FGGY: variants seen among roughly 807,000 people sequenced by gnomAD.
FGGY encodes the protein FGGY carbohydrate kinase domain containing, also known as FGGY carbohydrate kinase domain-containing protein.
FGGY carries 72 observed loss-of-function variants against 71.3 expected under a neutral mutation model. That is an observed-to-expected ratio of 1.01 (90% CI 0.84 to 1.23). The LOEUF (loss-of-function observed/expected upper bound fraction) is 1.23. Among genes scored for constraint, FGGY ranks in the 50% most tolerant of loss-of-function variants. The probability of loss-of-function intolerance (pLI) is 0.00; values close to 1 mark genes in which losing one functional copy is unlikely to be tolerated. For synonymous variants in FGGY, 251 were observed against 250.3 expected, an observed-to-expected ratio of 1.00 and a Z score of -0.02; for missense variants, 668 against 682.3, an observed-to-expected ratio of 0.98 and a Z score of 0.23.
chr1:59,696,408 G>A lies in FGGY; in HGVS notation c.1512+22275G>A, dbSNP rs142001090. On this transcript the variant is annotated intron_variant, in intron 14 of 15. Coordinates refer to ENST00000303721, the MANE Select transcript of FGGY (RefSeq NM_018291.5). The stretch of plus-strand genomic sequence containing the variant: ...TATTTTATGACTAATCAATACTATA[G>A]GTAGTACTTGAGAAAAGAAAATAAT... 2.9e-3 allele frequency among the ~76,000 whole-genome samples: 441 copies of A among 152,248 alleles called. 1 individual carries two copies. The highest frequency in any genetic ancestry group is 9.8e-3 in the African/African-American group (406 of 41,530).
intron 14 of FGGY, among the ~76,000 whole-genome samples, chr1:59,701,808 A>T (rs2097711911): frequency 6.6e-6 from 1 of 152,112 alleles, no homozygotes; most frequent in Non-Finnish European, 1.5e-5. Context: ...GGATTCATGA[A>T]CTCAGAGGTG....
intron 7 of FGGY, among the ~76,000 whole-genome samples, chr1:59,538,241 A>T (rs1488830262): frequency 2.0e-5 from 3 of 152,208 alleles, no homozygotes; most frequent in Non-Finnish European, 4.4e-5. Flanking sequence ...ACACATGAAA[A>T]AATGCTCACC....
At chr1:59,430,833 C>T (rs2067224070) in intron 5 of FGGY, among the ~76,000 whole-genome samples, 1 of 152,278 alleles carries the variant, frequency 6.6e-6, no homozygotes, top group East Asian at 1.9e-4. Flanking sequence ...CTGTACCTCT[C>T]CTGAGCTCCA....
At chr1:59,654,123 A>G (rs2097196419) in intron 11 of FGGY, among the ~76,000 whole-genome samples, 1 of 152,228 alleles carries the variant, frequency 6.6e-6, no homozygotes, top group South Asian at 2.1e-4. Context: ...GTGGTAGCAC[A>G]GTCATCTGCA....
rs545333982 is a variant in FGGY at position 59,512,416 on chromosome 1, T to C, written c.776T>C (p.Ile259Thr). ...GGGATTGCGGTCGCAGCTTCACTCATTGATGCCCATGCAGGAGGACTAGGT... is the reference window on the plus strand; with the variant it reads ...GGGATTGCGGTCGCAGCTTCACTCACTGATGCCCATGCAGGAGGACTAGGT... The part of the protein sequence containing the change: ...LPGIAVAASL[I>T]DAHAGGLGVI... Residue 259 changes from isoleucine to threonine, a missense_variant, in exon 7 of 16, where the codon ATT becomes ACT. By Grantham distance (89) the Ile-to-Thr change is moderately conservative. Coordinates refer to ENST00000303721, the MANE Select transcript of FGGY (RefSeq NM_018291.5). 27 of 1,613,926 alleles carry C rather than the reference T, an allele frequency of 1.7e-5. No homozygotes were observed. In the South Asian group the frequency reaches 2.1e-4, roughly 12 times the overall value.
At chr1:59,381,477 A>T (rs2059432957) in intron 5 of FGGY, among the ~76,000 whole-genome samples, 1 of 152,046 alleles carries the variant, frequency 6.6e-6, no homozygotes, top group Non-Finnish European at 1.5e-5. Context: ...CTGAGATACA[A>T]ACATACACAT....
intron 1 of FGGY, among the ~76,000 whole-genome samples, chr1:59,298,291 C>G (rs1470564219): frequency 6.6e-6 from 1 of 151,996 alleles, no homozygotes; most frequent in Non-Finnish European, 1.5e-5. Flanking sequence ...TGGAGGACCT[C>G]CTAGTGGGAG....
chr1:59,485,209 C>T (rs1271406325), intron 6 of FGGY, among the ~76,000 whole-genome samples: 1 of 152,240 alleles, frequency 6.6e-6, no homozygotes, highest in African/African-American at 2.4e-5. Flanking sequence ...CTAATCTACA[C>T]TGTCATCCCT....
chr1:59,410,629 C>T (rs1046376423), intron 5 of FGGY, among the ~76,000 whole-genome samples: 2 of 152,136 alleles, frequency 1.3e-5, no homozygotes, highest in Non-Finnish European at 2.9e-5. Context: ...CTTGTCCTAC[C>T]AACCATCTGG....
At chr1:59,663,306 T>C (rs974078342) in intron 12 of FGGY, among the ~76,000 whole-genome samples, 2 of 152,256 alleles carry the variant, frequency 1.3e-5, no homozygotes, top group Admixed American at 6.5e-5. Flanking sequence ...CACTTTACCA[T>C]GCTGCATTTT....
chr1:59,657,056 C>T (rs2097225279), intron 11 of FGGY, among the ~76,000 whole-genome samples: 1 of 152,164 alleles, frequency 6.6e-6, no homozygotes, highest in African/African-American at 2.4e-5. Context: ...TGGATATCTG[C>T]TGGGGATTAA....
At chr1:59,344,986 T>C (rs1388470499) in intron 3 of FGGY, among the ~76,000 whole-genome samples, 1 of 152,194 alleles carries the variant, frequency 6.6e-6, no homozygotes. Flanking sequence ...GATTTATCTG[T>C]TCTCTATGCA....
chr1:59,641,896 C>T (rs2097032500), intron 11 of FGGY, among the ~76,000 whole-genome samples: 1 of 152,166 alleles, frequency 6.6e-6, no homozygotes, highest in Non-Finnish European at 1.5e-5. Flanking sequence ...TTCTTTTAAA[C>T]CTGAAAACAG....
intron 7 of FGGY, among the ~76,000 whole-genome samples, chr1:59,536,731 A>G (rs1044121458): frequency 1.2e-4 from 19 of 152,254 alleles, no homozygotes; most frequent in African/African-American, 4.3e-4. Context: ...TCCAGCATAT[A>G]CAGAACCAAA....
In FGGY at chr1:59,632,118, A is replaced by G. The variant is rs6659495; in HGVS notation, c.1073+6069A>G. ...AGTATCTTTTGAGCATTTGTGATAC[A>G]TGAATGAACCAAGCAAACAAAGTCT... On this transcript the variant is annotated intron_variant, in intron 10 of 15. Coordinates refer to ENST00000303721, the MANE Select transcript of FGGY (RefSeq NM_018291.5). Among the ~76,000 whole-genome samples the G allele has an allele frequency of 7.6e-3, 1,152 of 152,354 alleles. 18 individuals are homozygous for G. Among genetic ancestry groups the G allele is most frequent in the African/African-American group, 0.026 (1,099 of 41,582 alleles).
At chr1:59,618,836 G>T (rs1200836576) in intron 9 of FGGY, among the ~76,000 whole-genome samples, 2 of 151,878 alleles carry the variant, frequency 1.3e-5, no homozygotes, top group Non-Finnish European at 2.9e-5. Context: ...ATAGCCAAAG[G>T]TCAATTAGCA....
chr1:59,336,241 T>C (rs1248018053), intron 2 of FGGY, among the ~76,000 whole-genome samples: 1 of 152,064 alleles, frequency 6.6e-6, no homozygotes, highest in East Asian at 1.9e-4. Flanking sequence ...GTCTGTCCTT[T>C]CCCCCATTAA....
chr1:59,683,162 T>C (rs2097517953), intron 14 of FGGY, among the ~76,000 whole-genome samples: 1 of 152,224 alleles, frequency 6.6e-6, no homozygotes, highest in African/African-American at 2.4e-5. Flanking sequence ...GGCACTGTGC[T>C]AAGGTACTTT....
intron 8 of FGGY, among the ~76,000 whole-genome samples, chr1:59,607,305 G>A (rs571734549): frequency 7.9e-5 from 12 of 152,346 alleles, no homozygotes; most frequent in African/African-American, 2.6e-4. Flanking sequence ...TTGTGGCCAA[G>A]TTTGAGGAGC....
Sources: gnomAD v4.1 joint callset for allele counts (sites outside exome capture counted in the v4.1 genomes callset) on GRCh38, gnomAD v4.1.1 for gene constraint, MANE v1.5 for transcripts, NCBI Gene and HGNC (gene_info 2026-07-23, HGNC 2026-07-21) for gene names.